Variants in KCND2 observed in about 807,000 individuals in gnomAD.
KCND2 encodes the protein A-type voltage-gated potassium channel KCND2.
KCND2 carries 16 observed loss-of-function variants against 54.4 expected under a neutral mutation model. That is an observed-to-expected ratio of 0.29 (90% CI 0.20 to 0.45). The LOEUF (loss-of-function observed/expected upper bound fraction) is 0.45, where lower values mean the gene tolerates loss of function less well. KCND2 is among the 20% of genes least tolerant of loss of function. The pLI, the probability that KCND2 is intolerant of heterozygous loss-of-function variation, is 1.00. For missense variants in KCND2, 486 were observed against 824.2 expected, an observed-to-expected ratio of 0.59 and a Z score of 5.02; for synonymous variants, 317 against 310.7, an observed-to-expected ratio of 1.02 and a Z score of -0.21.
chr7:120,744,635 A>G lies in KCND2; in HGVS notation c.1468-1145A>G, dbSNP rs575975619. 1.5e-4 allele frequency among the ~76,000 whole-genome samples: 23 copies of G among 152,280 alleles called. 1 individual carries two copies. In the East Asian group the frequency reaches 4.4e-3, roughly 29 times the overall value. Reference sequence around the variant, plus strand: ...TATTCTCTAGACTTTAAAGAGTAGAATGTTAAATTTCATTTATTTCAAAAT... The same window carrying G: ...TATTCTCTAGACTTTAAAGAGTAGAGTGTTAAATTTCATTTATTTCAAAAT... On this transcript the variant is annotated intron_variant, in intron 4 of 5. Coordinates refer to ENST00000331113, the MANE Select transcript of KCND2 (RefSeq NM_012281.3).
intron 1 of KCND2, among the ~76,000 whole-genome samples, chr7:120,717,561 AGT>A (rs2116091212): frequency 6.6e-6 from 1 of 152,304 alleles, no homozygotes; most frequent in Non-Finnish European, 1.5e-5. Context: ...AGGCAGAATT[AGT>A]CTCTGTGGAA....
chr7:120,573,855 G>C (rs1792395083), intron 1 of KCND2, among the ~76,000 whole-genome samples: 1 of 152,044 alleles, frequency 6.6e-6, no homozygotes, highest in South Asian at 2.1e-4. Context: ...ATAAATTACA[G>C]TTGAGAAGTT....
chr7:120,546,871 T>C (rs1792048563), intron 1 of KCND2, among the ~76,000 whole-genome samples: 1 of 151,988 alleles, frequency 6.6e-6, no homozygotes, highest in Admixed American at 6.6e-5. Context: ...TATTTCATGC[T>C]ATCTGCAATG....
At chr7:120,678,402 CACATATATATACACATACACACAT>C (rs1414765327) in intron 1 of KCND2, among the ~76,000 whole-genome samples, 2 of 133,258 alleles carry the variant, frequency 1.5e-5, no homozygotes, top group East Asian at 8.2e-4. Flanking sequence ...GACACATACA[CACATATATATACACATACACACAT>C]ATATATACAC....
intron 1 of KCND2, among the ~76,000 whole-genome samples, chr7:120,287,857 A>G (rs1434573029): frequency 6.6e-6 from 1 of 152,100 alleles, no homozygotes; most frequent in African/African-American, 2.4e-5. Flanking sequence ...ACAACAGAAC[A>G]TTTAAAACTA....
chr7:120,701,596 A>G (rs1584889341), intron 1 of KCND2, among the ~76,000 whole-genome samples: 1 of 152,172 alleles, frequency 6.6e-6, no homozygotes, highest in Non-Finnish European at 1.5e-5. Flanking sequence ...TACTGGTATA[A>G]AAACAGACAC....
At chr7:120,488,861 A>C (rs1239683565) in intron 1 of KCND2, among the ~76,000 whole-genome samples, 4 of 152,124 alleles carry the variant, frequency 2.6e-5, no homozygotes, top group Non-Finnish European at 5.9e-5. Flanking sequence ...CTAGCCTACT[A>C]GTTAAACTAC....
intron 1 of KCND2, among the ~76,000 whole-genome samples, chr7:120,519,972 A>T (rs896234286): frequency 2.6e-5 from 4 of 152,134 alleles, no homozygotes; most frequent in African/African-American, 9.6e-5. Context: ...ATTACAAATT[A>T]TCCTAATTAT....
rs1199722034 is a variant in KCND2 at position 120,274,991 on chromosome 7, C to A, written c.359C>A (p.Ala120Asp). Residue 120 changes from alanine to aspartate, a missense_variant, in exon 1 of 6, where the codon GCC (alanine) becomes GAC (aspartate). Coordinates refer to ENST00000331113, the MANE Select transcript of KCND2 (RefSeq NM_012281.3). ...ECISAYDEEL[A>D]FFGLIPEIIG... ...ATCTCTGCTTACGATGAAGAACTGG[C>A]CTTCTTTGGCCTCATCCCGGAAATC... 2 of 1,613,974 alleles carry A rather than the reference C, an allele frequency of 1.2e-6. No individual in the cohort carries two copies. The highest frequency in any genetic ancestry group is 1.7e-6 in the Non-Finnish European group (2 of 1,180,034).
intron 1 of KCND2, among the ~76,000 whole-genome samples, chr7:120,588,649 G>T (rs1180239040): frequency 6.6e-6 from 1 of 151,984 alleles, no homozygotes; most frequent in Non-Finnish European, 1.5e-5. Flanking sequence ...GACATCTGTG[G>T]GCTAAGGGAA....
intron 1 of KCND2, among the ~76,000 whole-genome samples, chr7:120,397,429 A>C (rs745361048): frequency 5.9e-5 from 9 of 152,016 alleles, no homozygotes; most frequent in Non-Finnish European, 1.0e-4. Context: ...ATGGATTAAA[A>C]AGTTAGAAAT....
chr7:120,714,012 A>G (rs994476185), intron 1 of KCND2, among the ~76,000 whole-genome samples: 4 of 152,176 alleles, frequency 2.6e-5, no homozygotes, highest in African/African-American at 9.7e-5. Flanking sequence ...GAGTAAAGAA[A>G]TATTTTGCTC....
chr7:120,635,753 C>A (rs1404302184), intron 1 of KCND2, among the ~76,000 whole-genome samples: 2 of 151,984 alleles, frequency 1.3e-5, no homozygotes, highest in African/African-American at 4.8e-5. Flanking sequence ...TTAAACCATC[C>A]AAATTTAAGA....
At chr7:120,316,146 T>G (rs1003043700) in intron 1 of KCND2, among the ~76,000 whole-genome samples, 5 of 152,234 alleles carry the variant, frequency 3.3e-5, no homozygotes, top group African/African-American at 1.2e-4. Flanking sequence ...ATCTTCCATT[T>G]TAGAAACCTA....
intron 1 of KCND2, among the ~76,000 whole-genome samples, chr7:120,488,679 T>C (rs909544470): frequency 6.6e-6 from 1 of 152,180 alleles, no homozygotes; most frequent in Non-Finnish European, 1.5e-5. Context: ...TTACTAATTC[T>C]GTGTCCCCCT....
chr7:120,701,228 G>A, intron 1 of KCND2, among the ~76,000 whole-genome samples: 2 of 104,848 alleles, frequency 1.9e-5, no homozygotes, highest in Non-Finnish European at 3.5e-5. Flanking sequence ...TTGAATGGCT[G>A]TAATGCCTAG....
intron 1 of KCND2, among the ~76,000 whole-genome samples, chr7:120,634,116 A>T (rs527310382): frequency 6.6e-6 from 1 of 152,310 alleles, no homozygotes; most frequent in African/African-American, 2.4e-5. Flanking sequence ...GATCAAATCA[A>T]TAAAGTATAA....
At chr7:120,491,309 G>A (rs1374975439) in intron 1 of KCND2, among the ~76,000 whole-genome samples, 1 of 152,080 alleles carries the variant, frequency 6.6e-6, no homozygotes, top group Non-Finnish European at 1.5e-5. Flanking sequence ...GTGACTAGTA[G>A]TTATCGGGTG....
intron 1 of KCND2, among the ~76,000 whole-genome samples, chr7:120,435,898 T>C (rs73433887): frequency 0.013 from 1,931 of 152,288 alleles, 39 homozygotes; most frequent in African/African-American, 0.041. Flanking sequence ...CTATGCAGTA[T>C]ATTAAGGAGA....
Sources: allele counts gnomAD v4.1 joint callset (sites outside exome capture counted in the v4.1 genomes callset), GRCh38; gene constraint gnomAD v4.1.1; transcripts MANE v1.5; gene names NCBI Gene and HGNC (gene_info 2026-07-23, HGNC 2026-07-21).